Variants in CDH10 observed in about 807,000 individuals in gnomAD.
CDH10 encodes the protein cadherin-10.
In CDH10, 30 loss-of-function variants were observed where a neutral mutation model predicts 73.1. The observed-to-expected ratio is 0.41, with a 90% CI of 0.31 to 0.56. The LOEUF (loss-of-function observed/expected upper bound fraction) is 0.56. Ranked by LOEUF, CDH10 falls within the 20% of genes least tolerant of loss-of-function variation. CDH10 has a pLI of 0.27. For synonymous variants in CDH10, 345 were observed against 348.2 expected (o/e 0.99, Z 0.10); for missense variants, 815 against 973.7 (o/e 0.84, Z 2.17).
chr5:24,619,807 C>CCACTACTA (rs1336296351), intron 1 of CDH10, among the ~76,000 whole-genome samples: 2 of 152,142 alleles, frequency 1.3e-5, no homozygotes, highest in African/African-American at 4.8e-5. Context: ...TAGCTAACTC[C>CCACTACTA]CACTACTACG....
chr5:24,567,583 T>C (rs981820707), intron 2 of CDH10, among the ~76,000 whole-genome samples: 1 of 151,978 alleles, frequency 6.6e-6, no homozygotes, highest in Non-Finnish European at 1.5e-5. Context: ...AATAAAATTT[T>C]AAATGAAAGA....
chr5:24,502,214 G>T (rs965314839), intron 8 of CDH10, among the ~76,000 whole-genome samples: 1 of 152,086 alleles, frequency 6.6e-6, no homozygotes, highest in Admixed American at 6.6e-5. Flanking sequence ...GAGCCACCGC[G>T]CCTGGCTCCC....
chr5:24,515,702 T>C (rs1743083220), intron 5 of CDH10, among the ~76,000 whole-genome samples: 1 of 152,188 alleles, frequency 6.6e-6, no homozygotes, highest in Non-Finnish European at 1.5e-5. Flanking sequence ...GTGGGAATTC[T>C]TTAATCTCTG....
intron 1 of CDH10, among the ~76,000 whole-genome samples, chr5:24,635,383 T>C (rs1747834304): frequency 6.6e-6 from 1 of 151,954 alleles, no homozygotes; most frequent in Admixed American, 6.6e-5. Flanking sequence ...CCTGAGTGAG[T>C]TTATGTGGCT....
At chr5:24,591,026 G>A (rs139337808) in intron 2 of CDH10, among the ~76,000 whole-genome samples, 1 of 152,046 alleles carries the variant, frequency 6.6e-6, no homozygotes, top group African/African-American at 2.4e-5. Context: ...GAATATGTGG[G>A]GGATTTTAAG....
At chr5:24,568,437 C>A (rs1410842938) in intron 2 of CDH10, among the ~76,000 whole-genome samples, 1 of 152,094 alleles carries the variant, frequency 6.6e-6, no homozygotes, top group Admixed American at 6.6e-5. Context: ...AATCAAACCA[C>A]AATGAAACAT....
At chr5:24,561,694 T>A (rs942468330) in intron 2 of CDH10, among the ~76,000 whole-genome samples, 15 of 152,170 alleles carry the variant, frequency 9.9e-5, no homozygotes, top group Non-Finnish European at 1.8e-4. Flanking sequence ...TTATTTGGAA[T>A]AATGGAAAAT....
chr5:24,607,879 A>C (rs1746813518), intron 1 of CDH10, among the ~76,000 whole-genome samples: 1 of 152,194 alleles, frequency 6.6e-6, no homozygotes, highest in African/African-American at 2.4e-5. Context: ...CTGGTGATTA[A>C]ACATTATTAA....
chr5:24,593,217 T>C (rs1032393614), intron 2 of CDH10, 43 bp downstream of exon 2: 2 of 1,093,326 alleles, frequency 1.8e-6, no homozygotes, highest in Non-Finnish European at 2.8e-6. Flanking sequence ...GTAAAATATA[T>C]AAAGAGCAAA....
At chr5:24,529,359 G>T (rs1743643078) in intron 5 of CDH10, among the ~76,000 whole-genome samples, 1 of 151,906 alleles carries the variant, frequency 6.6e-6, no homozygotes, top group Non-Finnish European at 1.5e-5. Flanking sequence ...GAAATATAAT[G>T]AATTGATGTT....
chr5:24,519,716 G>GAA (rs1743242160), intron 5 of CDH10, among the ~76,000 whole-genome samples: 1 of 152,112 alleles, frequency 6.6e-6, no homozygotes, highest in African/African-American at 2.4e-5. Flanking sequence ...AAAAGTATGT[G>GAA]GTAGAATAAA....
At chr5:24,627,663 T>C (rs952755046) in intron 1 of CDH10, among the ~76,000 whole-genome samples, 2 of 152,086 alleles carry the variant, frequency 1.3e-5, no homozygotes, top group South Asian at 2.1e-4. Context: ...TCCTTTAACA[T>C]GAGGATGAAA....
chr5:24,549,515 A>G (rs543188626), intron 2 of CDH10, among the ~76,000 whole-genome samples: 1 of 152,070 alleles, frequency 6.6e-6, no homozygotes, highest in East Asian at 1.9e-4. Context: ...TTCGTGTTTC[A>G]GTAAAAATAA....
chr5:24,511,502 A>T lies in CDH10; in HGVS notation c.827T>A (p.Leu276His). The T allele has an allele frequency of 6.4e-7, 1 of 1,561,262 alleles. No individual in the cohort carries two copies. Among genetic ancestry groups the T allele is most frequent in the Non-Finnish European group, 8.8e-7 (1 of 1,134,562 alleles). ...PPRFPQNTIH[L>H]RVLESSPVGT... ...AACTGGGGAGGATTCAAGAACTCGA[A>T]GATGAATAGTGTCTGTAAAGTATAA... Residue 276 changes from leucine to histidine, a missense_variant, in exon 6 of 12, where the codon CTT becomes CAT. By Grantham distance (99) the Leu-to-His change is moderately conservative. Transcript: ENST00000264463.
At chr5:24,513,741 T>G (rs1505891) in intron 5 of CDH10, among the ~76,000 whole-genome samples, 2 of 152,046 alleles carry the variant, frequency 1.3e-5, no homozygotes, top group Non-Finnish European at 2.9e-5. Context: ...CAACTCTCAA[T>G]TCATTACTTT....
Position 24,535,001 on chromosome 5 carries a change from G to A in CDH10, c.814+111C>T, listed in dbSNP as rs750708602. On this transcript the variant is annotated intron_variant, in intron 5 of 11. Coordinates refer to ENST00000264463, the MANE Select transcript of CDH10 (RefSeq NM_006727.5). ...TACTTTTGTATCACATTTTCAATAT[G>A]TTTTAAATTAAATGAATGACAATTG... The A allele has an allele frequency of 8.1e-6, 8 of 988,708 alleles. No homozygotes were observed. The Admixed American group carries it at 8.8e-5, about 11-fold the overall frequency. 61.2% of individuals were successfully genotyped at this position (988,708 alleles called of 1,614,324 possible). A position where few individuals can be genotyped will look rare whatever the true frequency, so the allele number is the denominator to read the frequency against.
intron 1 of CDH10, among the ~76,000 whole-genome samples, chr5:24,599,815 A>C (rs1746500243): frequency 6.6e-6 from 1 of 152,172 alleles, no homozygotes; most frequent in Admixed American, 6.5e-5. Context: ...TAAGAATAAG[A>C]AGCAGAAAAA....
At position 24,505,297 on chromosome 5, in the gene CDH10, T is replaced by A. The variant is rs566574417; in HGVS notation, c.1257-49A>T. 22 of 1,546,216 alleles carry A rather than the reference T, an allele frequency of 1.4e-5. No homozygotes were observed. In the South Asian group the frequency reaches 2.4e-4, roughly 17 times the overall value. ...ATACATGGCAGCATTATTAATAGTT[T>A]GCAGGAAAAAATAGTGAAATGCAAA... On this transcript the variant is annotated intron_variant, in intron 7 of 11. Transcript: ENST00000264463.
At chr5:24,529,430 C>G (rs886945713) in intron 5 of CDH10, among the ~76,000 whole-genome samples, 4 of 151,872 alleles carry the variant, frequency 2.6e-5, no homozygotes, top group Non-Finnish European at 5.9e-5. Context: ...TCTTCCATCA[C>G]CTATAATTTA....
Sources: allele counts gnomAD v4.1 joint callset (sites outside exome capture counted in the v4.1 genomes callset), GRCh38; gene constraint gnomAD v4.1.1; transcripts MANE v1.5; gene names NCBI Gene and HGNC (gene_info 2026-07-23, HGNC 2026-07-21).